The following CCDC191 variants were observed in gnomAD, a reference collection of about 807,000 sequenced individuals.
The protein encoded by CCDC191 is coiled-coil domain containing 191, also known as coiled-coil domain-containing protein 191.
Under a neutral mutation model 114.0 loss-of-function variants are expected in CCDC191, and 99 were observed. The ratio of observed to expected loss-of-function variants is 0.87; its 90% confidence interval spans 0.74 to 1.03. The LOEUF is 1.03. Ranked by LOEUF, CCDC191 falls within the 50% of genes least tolerant of loss-of-function variation. CCDC191 has a pLI of 0.00. For synonymous variants in CCDC191, 351 were observed against 376.0 expected (o/e 0.93, Z 0.77); for missense variants, 973 against 1,087.0 (o/e 0.90, Z 1.47).
intron 8 of CCDC191, among the ~76,000 whole-genome samples, chr3:114,011,445 AC>A (rs1219683971): frequency 6.6e-6 from 1 of 152,230 alleles, no homozygotes; most frequent in Non-Finnish European, 1.5e-5. Context: ...AGAGAAAGCA[AC>A]AAAATTATAA....
chr3:114,018,091 G>A (rs766000394), intron 8 of CCDC191, among the ~76,000 whole-genome samples: 9 of 152,234 alleles, frequency 5.9e-5, no homozygotes, highest in Non-Finnish European at 1.0e-4. Context: ...AAAGATGGTA[G>A]AGTGGGAGGA....
At chr3:114,038,430 G>A (rs564612001) in intron 4 of CCDC191, among the ~76,000 whole-genome samples, 1 of 152,250 alleles carries the variant, frequency 6.6e-6, no homozygotes, top group South Asian at 2.1e-4. Flanking sequence ...ATGTGTTTGT[G>A]GTGATGCTGG....
At chr3:114,038,882 T>C (rs2076523008) in intron 4 of CCDC191, among the ~76,000 whole-genome samples, 1 of 152,092 alleles carries the variant, frequency 6.6e-6, no homozygotes, top group Non-Finnish European at 1.5e-5. Flanking sequence ...AGGCCTGTCA[T>C]GGGTGGCAGG....
chr3:114,031,177 G>A (rs760953921), intron 7 of CCDC191, among the ~76,000 whole-genome samples: 2 of 152,204 alleles, frequency 1.3e-5, no homozygotes, highest in African/African-American at 2.4e-5. Context: ...ACAGGTTTAA[G>A]TGTATCATTG....
chr3:113,991,667 A>T (rs1239503620), intron 13 of CCDC191, among the ~76,000 whole-genome samples: 1 of 152,184 alleles, frequency 6.6e-6, no homozygotes, highest in African/African-American at 2.4e-5. Flanking sequence ...GTCCTAACTA[A>T]TGTGATAAGG....
intron 9 of CCDC191, among the ~76,000 whole-genome samples, chr3:114,008,162 A>T (rs970419375): frequency 2.7e-5 from 4 of 148,414 alleles, no homozygotes; most frequent in Non-Finnish European, 5.9e-5. Flanking sequence ...CACAGGTAAA[A>T]AATACTTTCT....
rs79760916 is a variant in CCDC191, at chr3:114,014,418, A to C, written c.1164-3397T>G. On this transcript the variant is annotated intron_variant, in intron 8 of 16. Transcript: ENST00000295878. ...CTGCATACCCACGTGAGCAGAGGGA[A>C]GGACAATTGAACATGATTAACAGGC... Among the ~76,000 whole-genome samples, 468 of 152,282 alleles carry C rather than the reference A, an allele frequency of 3.1e-3. 2 individuals carry two copies. Among genetic ancestry groups the C allele is most frequent in the African/African-American group, 0.011 (452 of 41,556 alleles).
At chr3:114,053,112 CAGTT>C in intron 2 of CCDC191, among the ~76,000 whole-genome samples, 1 of 152,260 alleles carries the variant, frequency 6.6e-6, no homozygotes, top group South Asian at 2.1e-4. Context: ...ATTAAGTGAC[CAGTT>C]AGAGTCCATT....
chr3:114,032,430 A>C lies in CCDC191; in HGVS notation c.819-651T>G, dbSNP rs1382536193. Among the ~76,000 whole-genome samples, 3 of 152,196 alleles carry C rather than the reference A, an allele frequency of 2.0e-5. No homozygotes were observed. The East Asian group carries it at 5.8e-4, about 29-fold the overall frequency. On this transcript the variant is annotated intron_variant, in intron 6 of 16. Transcript: ENST00000295878. ...CCATCCCTCTTTTGCTCACCAATTC[A>C]AACAAGCTCATAGCTATGGCCTTCC... is the stretch of plus-strand genomic sequence containing the variant.
chr3:113,973,941 T>C (rs1941070758), intron 16 of CCDC191, among the ~76,000 whole-genome samples: 1 of 151,474 alleles, frequency 6.6e-6, no homozygotes, highest in African/African-American at 2.4e-5. Context: ...CTGAGGTAAT[T>C]TTCTATATCT....
At chr3:113,998,692 G>A (rs544828102) in intron 13 of CCDC191, among the ~76,000 whole-genome samples, 6 of 152,140 alleles carry the variant, frequency 3.9e-5, no homozygotes, top group Admixed American at 1.3e-4. Context: ...GAAGCTACCC[G>A]GTGGCAGGTT....
At chr3:114,002,912 A>G in intron 11 of CCDC191, 2 of 982,962 alleles carry the variant, frequency 2.0e-6, no homozygotes, top group African/African-American at 3.5e-5. Context: ...AATTACATCT[A>G]ACAAGTACTT....
rs139259788 is a variant in CCDC191 at position 114,021,776 on chromosome 3, A to G, written c.973-2908T>C. ...ATAGTGCTCTATCCCTTTGCTTTTT[A>G]AAACAAGATGTATGATTTAAAACCA... is the stretch of plus-strand genomic sequence containing the variant. On this transcript the variant is annotated intron_variant, in intron 7 of 16. Transcript: ENST00000295878. Among the ~76,000 whole-genome samples the G allele has an allele frequency of 6.2e-4, 94 of 152,228 alleles. 1 individual carries two copies. Among genetic ancestry groups the G allele is most frequent in the African/African-American group, 2.2e-3 (91 of 41,562 alleles).
chr3:114,009,525 GATC>G (rs2107677768), intron 9 of CCDC191, among the ~76,000 whole-genome samples: 1 of 152,160 alleles, frequency 6.6e-6, no homozygotes, highest in East Asian at 1.9e-4. Context: ...ACAGGGTCAA[GATC>G]ATCAAGAAGT....
chr3:114,036,994 G>A, intron 4 of CCDC191: 1 of 275,410 alleles, frequency 3.6e-6, no homozygotes, highest in Non-Finnish European at 6.6e-6. Flanking sequence ...ACCAAGAATT[G>A]CCCTCACCCA....
At chr3:114,017,325 T>G (rs1003185938) in intron 8 of CCDC191, among the ~76,000 whole-genome samples, 3 of 152,194 alleles carry the variant, frequency 2.0e-5, no homozygotes, top group Non-Finnish European at 4.4e-5. Flanking sequence ...ATAATGCCTT[T>G]CCTGGCACTC....
chr3:114,013,028 T>A (rs141573627), intron 8 of CCDC191, among the ~76,000 whole-genome samples: 1 of 152,228 alleles, frequency 6.6e-6, no homozygotes, highest in African/African-American at 2.4e-5. Flanking sequence ...GGTGAGTGGA[T>A]CACTTGAGCC....
chr3:114,047,924 G>T (rs1172141631), intron 2 of CCDC191, among the ~76,000 whole-genome samples: 1 of 152,108 alleles, frequency 6.6e-6, no homozygotes, highest in East Asian at 1.9e-4. Flanking sequence ...GCAGTGAGCT[G>T]AGATTGTGCC....
chr3:114,053,650 T>C lies in CCDC191; in HGVS notation c.91-15A>G, dbSNP rs1559938372. 1.9e-6 allele frequency: 3 copies of C among 1,561,862 alleles called. No individual in the cohort carries two copies. Among genetic ancestry groups the C allele is most frequent in the Non-Finnish European group, 2.6e-6 (3 of 1,137,816 alleles). On this transcript the variant is annotated splice_polypyrimidine_tract_variant and intron_variant, in intron 1 of 16. Transcript: ENST00000295878. Reference sequence around the variant, plus strand: ...CCAAAAGTAGGCTGTAGATAACATATATATGATATCAATACGCAGCAATAT... The same window carrying C: ...CCAAAAGTAGGCTGTAGATAACATACATATGATATCAATACGCAGCAATAT...
Sources: gnomAD v4.1 joint callset for allele counts (sites outside exome capture counted in the v4.1 genomes callset) on GRCh38, gnomAD v4.1.1 for gene constraint, MANE v1.5 for transcripts, NCBI Gene and HGNC (gene_info 2026-07-23, HGNC 2026-07-21) for gene names.